ADGRF1: variants seen among roughly 807,000 people sequenced by gnomAD.
The protein encoded by ADGRF1 is adhesion G protein-coupled receptor F1.
ADGRF1 carries 85 observed loss-of-function variants against 87.2 expected under a neutral mutation model. The ratio of observed to expected loss-of-function variants is 0.97; its 90% confidence interval spans 0.82 to 1.17. The LOEUF is 1.17. ADGRF1 is among the 50% of genes most tolerant of loss of function. The pLI, the probability that ADGRF1 is intolerant of heterozygous loss-of-function variation, is 0.00. For missense variants in ADGRF1, 1,169 were observed against 1,077.2 expected (o/e 1.09, Z -1.19); for synonymous variants, 430 against 408.8 (o/e 1.05, Z -0.63).
intron 1 of ADGRF1, 147 bp downstream of exon 1, chr6:47,042,044 G>C (rs940181516): frequency 3.9e-5 from 6 of 151,964 alleles, no homozygotes; most frequent in African/African-American, 1.5e-4. Flanking sequence ...TTTCAACTCT[G>C]TTCCCTTATT....
chr6:46,999,551 T>G lies in ADGRF1; in HGVS notation c.*671A>C, dbSNP rs958363071. 6.6e-6 allele frequency: 1 copy of G among 152,274 alleles called. No individual in the cohort carries two copies. Among genetic ancestry groups the G allele is most frequent in the Non-Finnish European group, 1.5e-5 (1 of 68,082 alleles). 9.4% of individuals were successfully genotyped at this position (152,274 alleles called of 1,614,324 possible). On this transcript the variant is annotated 3_prime_UTR_variant, in exon 15 of 15. Coordinates refer to ENST00000371253, the MANE Select transcript of ADGRF1 (RefSeq NM_153840.4). ...CCTTGACACTTTTGTTTGCAGGGTT[T>G]AGGACCAGATGGAAGTGCCTTGTAA... is the stretch of plus-strand genomic sequence containing the variant.
In ADGRF1 at chr6:46,998,651, G is replaced by A. The variant is rs1183280677; in HGVS notation, c.*1571C>T. The A allele has an allele frequency of 6.6e-6, 1 of 152,216 alleles. No individual in the cohort carries two copies. The highest frequency in any genetic ancestry group is 1.5e-5 in the Non-Finnish European group (1 of 68,052). The allele number at this position is 152,216 out of a possible 1,614,324, so 9.4% of individuals were successfully genotyped here. A position where few individuals can be genotyped will look rare whatever the true frequency, so the allele number is the denominator to read the frequency against. On this transcript the variant is annotated 3_prime_UTR_variant, in exon 15 of 15. Transcript: ENST00000371253. ...GTTCTGAGAAATCTGAGCTATCTGA[G>A]CTATCTGAGAAATCTTCTCTCACTA...
At chr6:47,039,189 G>T (rs62401799) in intron 1 of ADGRF1, among the ~76,000 whole-genome samples, 20,167 of 152,130 alleles carry the variant, frequency 0.13, 1,627 homozygotes, top group Non-Finnish European at 0.17. Context: ...TAGATTTGTG[G>T]ACCTCTGGAG....
chr6:47,018,193 G>A (rs928874103), intron 7 of ADGRF1: 14 of 323,564 alleles, frequency 4.3e-5, no homozygotes, highest in Non-Finnish European at 7.8e-5. Context: ...GAGTGCCCGA[G>A]CTCAAGTAAT....
In ADGRF1 at chr6:47,029,038, G is replaced by A. The variant is rs144996683; in HGVS notation, c.24C>T (p.Leu8=). 3.1e-6 allele frequency: 5 copies of A among 1,614,008 alleles called. No individual in the cohort carries two copies. Among genetic ancestry groups the A allele is most frequent in the African/African-American group, 2.7e-5 (2 of 74,904 alleles). Residue 8 remains leucine (L), a synonymous_variant, in exon 2 of 15, where the codon CTC becomes CTT. Coordinates refer to ENST00000371253, the MANE Select transcript of ADGRF1 (RefSeq NM_153840.4). The part of the protein sequence containing the change: MKVGVLW[L]ISFFTFTDGH... ...CGTCAGTGAAGGTGAAGAAAGAAAT[G>A]AGCCACAGCACTCCAACTTTCATTT...
chr6:47,039,880 A>G (rs1201891762), intron 1 of ADGRF1, among the ~76,000 whole-genome samples: 1 of 151,996 alleles, frequency 6.6e-6, no homozygotes, highest in Non-Finnish European at 1.5e-5. Context: ...GAGAATTGCT[A>G]GAACCTGGGA....
At chr6:47,006,255 A>T (rs1054391798) in intron 12 of ADGRF1, among the ~76,000 whole-genome samples, 14 of 152,292 alleles carry the variant, frequency 9.2e-5, no homozygotes, top group Non-Finnish European at 1.8e-4. Flanking sequence ...CAGTTTGTTC[A>T]TGTGCAAAAT....
At chr6:47,013,247 G>A in intron 9 of ADGRF1, 1 of 985,418 alleles carries the variant, frequency 1.0e-6, no homozygotes, top group Non-Finnish European at 1.2e-6. Context: ...GCTGTTTTCT[G>A]TTCAAGCCAC....
At chr6:47,018,182 G>C in intron 7 of ADGRF1, 1 of 300,844 alleles carries the variant, frequency 3.3e-6, no homozygotes, top group Non-Finnish European at 6.2e-6. Flanking sequence ...GGAGTTCAGG[G>C]GAGTGCCCGA....
chr6:47,024,295 A>G (rs1296164175), intron 4 of ADGRF1, 78 bp from the exon 5 acceptor site: 2 of 1,033,124 alleles, frequency 1.9e-6, no homozygotes, highest in South Asian at 3.3e-5. Flanking sequence ...TTTATTTTAT[A>G]TATGTTTATT....
intron 9 of ADGRF1, chr6:47,014,087 C>T (rs899562135): frequency 5.6e-6 from 1 of 178,362 alleles, no homozygotes. Context: ...ACTAATACAG[C>T]ACTGGACTAG....
chr6:47,012,208 A>G lies in ADGRF1; in HGVS notation c.928-13T>C. The G allele has an allele frequency of 6.2e-7, 1 of 1,604,870 alleles. No homozygotes were observed. Among genetic ancestry groups the G allele is most frequent in the Non-Finnish European group, 8.5e-7 (1 of 1,172,156 alleles). ...TCATACTGAAATTCTAGAAGCGAAA[A>G]TGGTTAAGTTCTAGAAAACAATGAC... On this transcript the variant is annotated splice_polypyrimidine_tract_variant and intron_variant, in intron 9 of 14. Transcript: ENST00000371253.
intron 1 of ADGRF1, among the ~76,000 whole-genome samples, chr6:47,033,236 C>T (rs537813340): frequency 3.3e-5 from 5 of 152,324 alleles, no homozygotes; most frequent in South Asian, 2.1e-4. Context: ...ACGCCCCCTC[C>T]GCACTTCCTT....
At chr6:47,022,558 C>T (rs769948741) in intron 5 of ADGRF1, among the ~76,000 whole-genome samples, 2 of 152,186 alleles carry the variant, frequency 1.3e-5, no homozygotes, top group Non-Finnish European at 2.9e-5. Context: ...TCCACAAGGT[C>T]TTCTCTAATC....
chr6:47,005,899 T>A, intron 12 of ADGRF1, 23 bp from the exon 13 acceptor site: 1 of 1,553,692 alleles, frequency 6.4e-7, no homozygotes, highest in Non-Finnish European at 8.9e-7. Flanking sequence ...CAAAGAAATA[T>A]TGAGGAGATA....
rs74832476 is a variant in ADGRF1, at chr6:47,024,207, G to T, written c.288C>A (p.Ser96Arg). 5 of 1,613,336 alleles carry T rather than the reference G, an allele frequency of 3.1e-6. No individual in the cohort carries two copies. Among genetic ancestry groups the T allele is most frequent in the Non-Finnish European group, 4.2e-6 (5 of 1,179,446 alleles). ...AGGTACACTGCAGGACTCCATTCAG[G>T]CTGTTGCAGTCTGCACAAGAAATAG... ...IRAKATTDCN[S>R]LNGVLQCTCE... is the part of the protein sequence containing the mutation. Residue 96 changes from serine (S) to arginine (R), a missense_variant, in exon 5 of 15, where the codon AGC (serine) becomes AGA (arginine). Transcript: ENST00000371253.
In ADGRF1 at chr6:46,997,951, G is replaced by A. The variant is rs1561859989; in HGVS notation, c.*2271C>T. 1 of 152,104 alleles carries A rather than the reference G, an allele frequency of 6.6e-6. No homozygotes were observed. Among genetic ancestry groups the A allele is most frequent in the Non-Finnish European group, 1.5e-5 (1 of 68,012 alleles). 9.4% of individuals were successfully genotyped at this position (152,104 alleles called of 1,614,324 possible). A position where few individuals can be genotyped will look rare whatever the true frequency, so the allele number is the denominator to read the frequency against. On this transcript the variant is annotated 3_prime_UTR_variant, in exon 15 of 15. Transcript: ENST00000371253. ...TCATTTTAAATAGTTTGGTAATTAT[G>A]ACTCCCAGTCGCCTACAATAAGAAG...
At position 47,016,480 on chromosome 6, in the gene ADGRF1, G is replaced by T; in HGVS notation, c.763+137C>A. 3 of 901,094 alleles carry T rather than the reference G, an allele frequency of 3.3e-6. No homozygotes were observed. In the South Asian group the frequency reaches 7.2e-5, roughly 22 times the overall value. 55.8% of individuals were successfully genotyped at this position (901,094 alleles called of 1,614,324 possible). A position where few individuals can be genotyped will look rare whatever the true frequency, so the allele number is the denominator to read the frequency against. ...TTTCATCTTGGTGCTGGGGGAAACA[G>T]CTGCCTGTTTGTGCTGAAAGGCAGT... On this transcript the variant is annotated intron_variant, in intron 8 of 14. Coordinates refer to ENST00000371253, the MANE Select transcript of ADGRF1 (RefSeq NM_153840.4).
intron 1 of ADGRF1, among the ~76,000 whole-genome samples, chr6:47,031,820 G>A (rs1780440167): frequency 6.6e-6 from 1 of 152,122 alleles, no homozygotes; most frequent in Non-Finnish European, 1.5e-5. Context: ...TTGACCTCCT[G>A]GTTACAAGTG....
Sources: gnomAD v4.1 joint callset for allele counts (sites outside exome capture counted in the v4.1 genomes callset) on GRCh38, gnomAD v4.1.1 for gene constraint, MANE v1.5 for transcripts, NCBI Gene and HGNC (gene_info 2026-07-23, HGNC 2026-07-21) for gene names.